The following CEP350 variants were observed in gnomAD, a reference collection of about 807,000 sequenced individuals.
The protein encoded by CEP350 is centrosome-associated protein 350.
Under a neutral mutation model 331.8 loss-of-function variants are expected in CEP350, and 126 were observed. The observed-to-expected ratio is 0.38, with a 90% CI of 0.33 to 0.44. The LOEUF is 0.44. CEP350 is among the 20% of genes least tolerant of loss of function. The pLI is 1.00. For synonymous variants in CEP350, 1,200 were observed against 1,259.5 expected (o/e 0.95, Z 1.00); for missense variants, 3,406 against 3,634.6 (o/e 0.94, Z 1.62).
Position 179,955,096 on chromosome 1 carries a change from T to C in CEP350, c.-60T>C. The C allele has an allele frequency of 6.8e-7, 1 of 1,469,046 alleles. No individual in the cohort carries two copies. Among genetic ancestry groups the C allele is most frequent in the Non-Finnish European group, 9.0e-7 (1 of 1,113,178 alleles). The allele number at this position is 1,469,046 out of a possible 1,614,324, so 91.0% of individuals were successfully genotyped here. ...GGCGTCACTGCACCCTCCGCCAGGC[T>C]CCGCGGGATGCACCGTGGTAGCCGA... On this transcript the variant is annotated 5_prime_UTR_variant, in exon 1 of 38. Transcript: ENST00000367607.
chr1:180,111,181 A>G lies in CEP350; in HGVS notation c.*20A>G. ...GTGTGACATCTTGCAAATAAATCGA[A>G]CGCTGAGTGCTAATGTGAGTCCTGG... On this transcript the variant is annotated 3_prime_UTR_variant, in exon 38 of 38. Coordinates refer to ENST00000367607, the MANE Select transcript of CEP350 (RefSeq NM_014810.5). The G allele has an allele frequency of 6.2e-7, 1 of 1,612,524 alleles. No homozygotes were observed.
At chr1:179,965,422 G>A (rs1164958810) in intron 1 of CEP350, among the ~76,000 whole-genome samples, 1 of 152,014 alleles carries the variant, frequency 6.6e-6, no homozygotes, top group Non-Finnish European at 1.5e-5. Context: ...TTGGTCAAGT[G>A]TCTAAGTCCA....
At position 179,954,893 on chromosome 1, in the gene CEP350, A is replaced by AGAACTGCAGG; in HGVS notation, c.-260_-251dup. The AGAACTGCAGG allele has an allele frequency of 1.9e-6, 1 of 532,830 alleles. No homozygotes were observed. The highest frequency in any genetic ancestry group is 3.0e-6 in the Non-Finnish European group (1 of 334,718). The allele number at this position is 532,830 out of a possible 1,614,324, so 33.0% of individuals were successfully genotyped here. On this transcript the variant is annotated 5_prime_UTR_variant, in exon 1 of 38. Coordinates refer to ENST00000367607, the MANE Select transcript of CEP350 (RefSeq NM_014810.5). ...GAGCGGGGCCAGACCTGCGCCAGAG[A>AGAACTGCAGG]GAACTGCAGGGAGCCGCAGCTCGGG...
intron 10 of CEP350, among the ~76,000 whole-genome samples, chr1:180,014,941 A>C (rs998616334): frequency 4.6e-5 from 7 of 152,224 alleles, no homozygotes; most frequent in African/African-American, 1.7e-4. Flanking sequence ...CACATATTTT[A>C]TATGTTGTCT....
chr1:180,088,722 C>T lies in CEP350; in HGVS notation c.6425+1005C>T, dbSNP rs547557184. ...TGTAACTGTGGGCAAGTTATTTAAC[C>T]GCTCTGTGCTTCAGTTTTTTAATAG... On this transcript the variant is annotated intron_variant, in intron 32 of 37. Transcript: ENST00000367607. Among the ~76,000 whole-genome samples, 10 of 152,238 alleles carry T rather than the reference C, an allele frequency of 6.6e-5. No individual in the cohort carries two copies. In the South Asian group the frequency reaches 1.2e-3, roughly 19 times the overall value.
intron 28 of CEP350, among the ~76,000 whole-genome samples, chr1:180,078,105 C>T (rs1224550336): frequency 6.6e-6 from 1 of 151,886 alleles, no homozygotes; most frequent in African/African-American, 2.4e-5. Context: ...TGCACCCCAC[C>T]CTGGGCAACA....
At chr1:180,048,195 G>T (rs573644767) in intron 21 of CEP350, among the ~76,000 whole-genome samples, 1 of 152,128 alleles carries the variant, frequency 6.6e-6, no homozygotes, top group African/African-American at 2.4e-5. Flanking sequence ...GTGATAAATC[G>T]TGATGTTAAT....
At position 180,013,855 on chromosome 1, in the gene CEP350, A is replaced by T; in HGVS notation, c.1402A>T (p.Ile468Phe). 6.2e-7 allele frequency: 1 copy of T among 1,607,570 alleles called. No individual in the cohort carries two copies. Among genetic ancestry groups the T allele is most frequent in the Non-Finnish European group, 8.5e-7 (1 of 1,177,170 alleles). ...CAGTTCATACTTTGCAGGGGGTCAC[A>T]TTGGAAGAGCAGAATCTGATCCCAG... is the stretch of plus-strand genomic sequence containing the variant. ...RERTAKSGGHIGRAESDPRLD... is the reference protein window; with the variant it reads ...RERTAKSGGHFGRAESDPRLD... The change falls in exon 10 of 38, where the codon ATT becomes TTT. Residue 468 changes from isoleucine (I) to phenylalanine (F), a missense_variant. Coordinates refer to ENST00000367607, the MANE Select transcript of CEP350 (RefSeq NM_014810.5).
intron 3 of CEP350, among the ~76,000 whole-genome samples, chr1:179,988,540 GT>G (rs1025396654): frequency 1.3e-5 from 2 of 151,540 alleles, no homozygotes; most frequent in East Asian, 3.9e-4. Flanking sequence ...ATAACAGGTT[GT>G]TTTTTTTCTC....
Position 180,022,740 on chromosome 1 carries a change from CT to C in CEP350, c.3281del (p.Leu1094Ter). ...GACAGAGGAACATCAACATCACGGCCTTTGAATGCCACCGCAACTCCTCTAA... is the reference window on the plus strand; with the variant it reads ...GACAGAGGAACATCAACATCACGGCCTTGAATGCCACCGCAACTCCTCTAA... ...KLDRGTSTSR[P>X]LNATATPLSG... On this transcript the variant is annotated frameshift_variant, in exon 13 of 38. Coordinates refer to ENST00000367607, the MANE Select transcript of CEP350 (RefSeq NM_014810.5). LOFTEE classifies it high-confidence loss of function. 6.2e-7 allele frequency: 1 copy of C among 1,612,008 alleles called. No homozygotes were observed. The highest frequency in any genetic ancestry group is 1.7e-5 in the Admixed American group (1 of 59,710).
chr1:180,102,231 G>A (rs1488321567), intron 37 of CEP350, among the ~76,000 whole-genome samples: 1 of 151,914 alleles, frequency 6.6e-6, no homozygotes, highest in African/African-American at 2.4e-5. Context: ...CGCCTCCCGG[G>A]TTCAAGCAAT....
intron 21 of CEP350, 34 bp from the exon 22 acceptor site, chr1:180,048,502 T>TTTG: frequency 6.8e-7 from 1 of 1,477,678 alleles, no homozygotes; most frequent in Non-Finnish European, 9.3e-7. Context: ...TTTTGTTAAT[T>TTTG]TTGTTGTTGT....
At chr1:180,057,435 T>G (rs888072786) in intron 25 of CEP350, among the ~76,000 whole-genome samples, 5 of 152,032 alleles carry the variant, frequency 3.3e-5, no homozygotes, top group African/African-American at 4.8e-5. Flanking sequence ...CCATAGTTAT[T>G]TTAATGTTCT....
In CEP350 at chr1:180,112,905, A is replaced by G. The variant is rs978352967; in HGVS notation, c.*1744A>G. On this transcript the variant is annotated 3_prime_UTR_variant, in exon 38 of 38. Transcript: ENST00000367607. Reference sequence around the variant, plus strand: ...CATTGGAATATTTGCATTTTGCACAATGACTGGTATGATAGCTCTTGACAA... The same window carrying G: ...CATTGGAATATTTGCATTTTGCACAGTGACTGGTATGATAGCTCTTGACAA... The G allele has an allele frequency of 6.6e-6, 1 of 152,636 alleles. No individual in the cohort carries two copies. The highest frequency in any genetic ancestry group is 2.4e-5 in the African/African-American group (1 of 41,460). 9.5% of individuals were successfully genotyped at this position (152,636 alleles called of 1,614,324 possible).
chr1:180,073,806 ACTT>A (rs769473491), intron 27 of CEP350: 4 of 1,303,784 alleles, frequency 3.1e-6, no homozygotes, highest in East Asian at 5.6e-5. Context: ...CCTGTTCACT[ACTT>A]CTTCTCTGTC....
intron 22 of CEP350, among the ~76,000 whole-genome samples, chr1:180,051,730 T>C (rs923320684): frequency 5.3e-5 from 8 of 151,932 alleles, no homozygotes; most frequent in Admixed American, 4.6e-4. Flanking sequence ...ATTGAAGGGG[T>C]TGGGGGAAAG....
At chr1:180,006,247 G>C (rs1654245919) in intron 7 of CEP350, among the ~76,000 whole-genome samples, 1 of 152,064 alleles carries the variant, frequency 6.6e-6, no homozygotes, top group South Asian at 2.1e-4. Flanking sequence ...ATACTGGAGT[G>C]GTGGTAATCT....
intron 6 of CEP350, among the ~76,000 whole-genome samples, chr1:179,999,273 A>G (rs1021118174): frequency 1.3e-5 from 2 of 152,186 alleles, no homozygotes; most frequent in African/African-American, 4.8e-5. Context: ...ACAATTTTAC[A>G]GAATGAGAGT....
intron 37 of CEP350, among the ~76,000 whole-genome samples, chr1:180,099,640 A>G (rs948285126): frequency 2.6e-5 from 4 of 152,212 alleles, no homozygotes; most frequent in Non-Finnish European, 5.9e-5. Flanking sequence ...TGACATTTAT[A>G]TAATGAAAAA....
Sources: gnomAD v4.1 joint callset for allele counts (sites outside exome capture counted in the v4.1 genomes callset) on GRCh38, gnomAD v4.1.1 for gene constraint, MANE v1.5 for transcripts, NCBI Gene and HGNC (gene_info 2026-07-23, HGNC 2026-07-21) for gene names.